FANCC: variants seen among roughly 807,000 people sequenced by gnomAD.
FANCC encodes the protein Fanconi anemia group C protein.
Under a neutral mutation model 71.3 loss-of-function variants are expected in FANCC, and 55 were observed. The ratio of observed to expected loss-of-function variants is 0.77; its 90% confidence interval spans 0.62 to 0.97. The LOEUF is 0.97. Ranked by LOEUF, FANCC falls within the 50% of genes least tolerant of loss-of-function variation. The pLI is 0.00. For synonymous variants in FANCC, 275 were observed against 244.9 expected (o/e 1.12, Z -1.15); for missense variants, 678 against 670.9 (o/e 1.01, Z -0.12).
At position 95,197,913 on chromosome 9, in the gene FANCC, A is replaced by G. The variant is rs575050294; in HGVS notation, c.346-25766T>C. Reference sequence around the variant, plus strand: ...GGAACAACACAGCAGAGGTCCCCACAGGACCCAAAAATAGTAGTCAAGTAG... The same window carrying G: ...GGAACAACACAGCAGAGGTCCCCACGGGACCCAAAAATAGTAGTCAAGTAG... On this transcript the variant is annotated intron_variant, in intron 4 of 14. Transcript: ENST00000289081. 2.6e-5 allele frequency among the ~76,000 whole-genome samples: 4 copies of G among 152,340 alleles called. No homozygotes were observed. In the South Asian group the frequency reaches 8.3e-4, roughly 32 times the overall value.
intron 4 of FANCC, among the ~76,000 whole-genome samples, chr9:95,174,408 A>C (rs1049526299): frequency 4.6e-5 from 7 of 152,274 alleles, no homozygotes; most frequent in Admixed American, 6.5e-5. Flanking sequence ...TTAAGTTTCA[A>C]CACATGAATT....
Position 95,247,212 on chromosome 9 carries a change from C to CGT in FANCC, c.250+218_250+219dup, listed in dbSNP as rs3030679. 0.29 allele frequency among the ~76,000 whole-genome samples: 43,783 copies of CGT among 149,386 alleles called. 7,452 individuals carry two copies. The highest frequency in any genetic ancestry group is 0.49 in the African/African-American group (19,847 of 40,556). On this transcript the variant is annotated intron_variant, in intron 3 of 14. Transcript: ENST00000289081. ...GAAGATCTGCATGGGTGCGTGCACG[C>CGT]GTGTGTGTGTGTGTGTGTGTGTGTT...
At chr9:95,204,333 T>A (rs1827985028) in intron 4 of FANCC, among the ~76,000 whole-genome samples, 3 of 152,200 alleles carry the variant, frequency 2.0e-5, no homozygotes, top group Non-Finnish European at 4.4e-5. Flanking sequence ...TATAGACCCA[T>A]GGATATCCAT....
At chr9:95,293,184 T>G (rs1054912870) in intron 1 of FANCC, 1 of 1,612,438 alleles carries the variant, frequency 6.2e-7, no homozygotes, top group African/African-American at 1.3e-5. Context: ...AGCAGACTCT[T>G]TCTTACAACA....
At chr9:95,148,631 A>G (rs1829879075) in intron 7 of FANCC, among the ~76,000 whole-genome samples, 1 of 152,254 alleles carries the variant, frequency 6.6e-6, no homozygotes, top group African/African-American at 2.4e-5. Context: ...TTGATACTGC[A>G]TATGAAATAT....
chr9:95,204,998 C>G (rs1302097472), intron 4 of FANCC, among the ~76,000 whole-genome samples: 1 of 152,182 alleles, frequency 6.6e-6, no homozygotes, highest in Non-Finnish European at 1.5e-5. Flanking sequence ...CAAGAAGCAT[C>G]AGAATAGAGA....
At chr9:95,317,310 T>TCCCACCTCCCGCCTC (rs1259856075) in intron 1 of FANCC, 15 of 148,794 alleles carry the variant, frequency 1.0e-4, no homozygotes, top group East Asian at 8.3e-4. Flanking sequence ...CCCGCCACCT[T>TCCCACCTCCCGCCTC]CCGCCTCCCG....
Position 95,280,754 on chromosome 9 carries a change from G to A in FANCC, c.-78-31385C>T, listed in dbSNP as rs1048690248. Among the ~76,000 whole-genome samples, 26 of 152,172 alleles carry A rather than the reference G, an allele frequency of 1.7e-4. 1 individual carries two copies. The highest frequency in any genetic ancestry group is 6.0e-4 in the African/African-American group (25 of 41,438). On this transcript the variant is annotated intron_variant, in intron 1 of 14. Transcript: ENST00000289081. ...AGAGAGGATTATAGAAAAGCTGCCTGACAGAAATTCAAAATACTTGTTTTA... is the reference window on the plus strand; with the variant it reads ...AGAGAGGATTATAGAAAAGCTGCCTAACAGAAATTCAAAATACTTGTTTTA...
chr9:95,295,508 AATC>A (rs1327812950), intron 1 of FANCC, among the ~76,000 whole-genome samples: 2 of 152,214 alleles, frequency 1.3e-5, no homozygotes, highest in Admixed American at 1.3e-4. Context: ...CAACATCAGT[AATC>A]ATCAGGGAAA....
rs1227546763 is a variant in FANCC, at chr9:95,277,947, G to T, written c.-78-28578C>A. ...GGTAATTTGAATCCACACAATAAAA[G>T]AACACTGATAATTATGTAATTATAA... On this transcript the variant is annotated intron_variant, in intron 1 of 14. Transcript: ENST00000289081. Among the ~76,000 whole-genome samples, 3 of 152,162 alleles carry T rather than the reference G, an allele frequency of 2.0e-5. No homozygotes were observed. In the East Asian group the frequency reaches 5.8e-4, roughly 29 times the overall value.
intron 1 of FANCC, among the ~76,000 whole-genome samples, chr9:95,260,751 A>G (rs1831994082): frequency 6.6e-6 from 1 of 152,210 alleles, no homozygotes; most frequent in Non-Finnish European, 1.5e-5. Flanking sequence ...AGGCAAAGAA[A>G]AAAGGAAAAA....
chr9:95,305,196 CACAT>C (rs1835002381), intron 1 of FANCC, among the ~76,000 whole-genome samples: 1 of 152,212 alleles, frequency 6.6e-6, no homozygotes, highest in African/African-American at 2.4e-5. Flanking sequence ...AATCACCCCA[CACAT>C]ACAGCCATGC....
At chr9:95,173,033 T>C (rs912451790) in intron 4 of FANCC, among the ~76,000 whole-genome samples, 5 of 152,220 alleles carry the variant, frequency 3.3e-5, no homozygotes, top group Non-Finnish European at 7.3e-5. Context: ...TAACAATGAA[T>C]ATGAATAGAT....
intron 6 of FANCC, among the ~76,000 whole-genome samples, chr9:95,150,995 A>C (rs1303951117): frequency 6.6e-6 from 1 of 152,258 alleles, no homozygotes; most frequent in Non-Finnish European, 1.5e-5. Flanking sequence ...CCTCAACTGC[A>C]CTAGTCACAG....
rs562788265 is a variant in FANCC, at chr9:95,155,986, A to C, written c.522-5899T>G. On this transcript the variant is annotated intron_variant, in intron 6 of 14. Coordinates refer to ENST00000289081, the MANE Select transcript of FANCC (RefSeq NM_000136.3). ...AGCAATCCTCCCACCCTGGCCTCCCAAATTGCTGGGATTACAGGAGTGAGC... is the reference window on the plus strand; with the variant it reads ...AGCAATCCTCCCACCCTGGCCTCCCCAATTGCTGGGATTACAGGAGTGAGC... Among the ~76,000 whole-genome samples, 54 of 149,298 alleles carry C rather than the reference A, an allele frequency of 3.6e-4. 1 individual carries two copies. Among genetic ancestry groups the C allele is most frequent in the Middle Eastern group, 3.4e-3 (1 of 292 alleles).
At chr9:95,256,256 T>C (rs1831650933) in intron 1 of FANCC, among the ~76,000 whole-genome samples, 1 of 152,010 alleles carries the variant, frequency 6.6e-6, no homozygotes, top group South Asian at 2.1e-4. Context: ...TCACCAAAGT[T>C]GAAATGAAGG....
chr9:95,211,672 C>T (rs1431589862), intron 4 of FANCC, among the ~76,000 whole-genome samples: 1 of 152,018 alleles, frequency 6.6e-6, no homozygotes, highest in East Asian at 1.9e-4. Context: ...TTCATAATAC[C>T]TGGCATCTAA....
chr9:95,224,222 C>T (rs2135953205), intron 4 of FANCC, among the ~76,000 whole-genome samples: 1 of 152,238 alleles, frequency 6.6e-6, no homozygotes, highest in South Asian at 2.1e-4. Context: ...CCTGGCGTGT[C>T]TCAGAATCAT....
chr9:95,142,752 C>A (rs909412229), intron 7 of FANCC, among the ~76,000 whole-genome samples: 1 of 152,198 alleles, frequency 6.6e-6, no homozygotes, highest in Non-Finnish European at 1.5e-5. Context: ...ATTTAACACT[C>A]AGAGCCACCC....
Sources: allele counts gnomAD v4.1 joint callset (sites outside exome capture counted in the v4.1 genomes callset), GRCh38; gene constraint gnomAD v4.1.1; transcripts MANE v1.5; gene names NCBI Gene and HGNC (gene_info 2026-07-23, HGNC 2026-07-21).